ZDHHC8: variants seen among roughly 807,000 people sequenced by gnomAD.
The protein encoded by ZDHHC8 is zDHHC palmitoyltransferase 8.
ZDHHC8 carries 24 observed loss-of-function variants against 61.2 expected under a neutral mutation model. That is an observed-to-expected ratio of 0.39 (90% CI 0.28 to 0.55). ZDHHC8 has a LOEUF of 0.55. Among genes scored for constraint, ZDHHC8 ranks in the 20% least tolerant of loss-of-function variants. The pLI is 0.60. For missense variants in ZDHHC8, 935 were observed against 1,102.1 expected (o/e 0.85, Z 2.15); for synonymous variants, 523 against 492.5 (o/e 1.06, Z -0.82).
chr22:20,144,798 G>A (rs569018264), intron 10 of ZDHHC8, among the ~76,000 whole-genome samples: 1 of 151,962 alleles, frequency 6.6e-6, no homozygotes, highest in Non-Finnish European at 1.5e-5. Context: ...AGCTGCTGTT[G>A]GTCAGCGCTG....
intron 1 of ZDHHC8, among the ~76,000 whole-genome samples, chr22:20,138,862 C>T (rs1277015592): frequency 2.0e-5 from 3 of 152,120 alleles, no homozygotes; most frequent in Non-Finnish European, 4.4e-5. Flanking sequence ...GCCTGTGTAC[C>T]GCCCCCGCCC....
rs1254783567 is a variant in ZDHHC8, at chr22:20,146,864, C to G, written c.*1464C>G. The G allele has an allele frequency of 1.6e-6, 2 of 1,260,818 alleles. No individual in the cohort carries two copies. The highest frequency in any genetic ancestry group is 2.0e-6 in the Non-Finnish European group (2 of 1,004,000). 78.1% of individuals were successfully genotyped at this position (1,260,818 alleles called of 1,614,324 possible). On this transcript the variant is annotated 3_prime_UTR_variant, in exon 11 of 11. Coordinates refer to ENST00000334554, the MANE Select transcript of ZDHHC8 (RefSeq NM_013373.4). ...TGGAACTCTCCTGCCTGCCACATGC[C>G]AGGGGCAGGGCTGAGGGAGTGTGAG...
At position 20,141,427 on chromosome 22, in the gene ZDHHC8, C is replaced by T. The variant is rs193920775; in HGVS notation, c.1022C>T (p.Ala341Val). ...CAGTGGTCTGCATCCCCAGAGAGTG[C>T]CCTGTCGGTGCAGAGGACCAGCCCC... The part of the protein sequence containing the change: ...QTPRPGSAES[A>V]LSVQRTSPPT... The change falls in exon 9 of 11, where the codon GCC (alanine) becomes GTC (valine). Residue 341 changes from alanine to valine, a missense_variant. By Grantham distance (64) the Ala-to-Val change is moderately conservative. This residue lies in a region of ZDHHC8 where 692 missense variants were observed against 731.4 expected (regional missense o/e 0.95). Coordinates refer to ENST00000334554, the MANE Select transcript of ZDHHC8 (RefSeq NM_013373.4). 3.7e-6 allele frequency: 6 copies of T among 1,612,924 alleles called. No individual in the cohort carries two copies. Among genetic ancestry groups the T allele is most frequent in the African/African-American group, 2.7e-5 (2 of 74,912 alleles).
At chr22:20,141,390 ACCT>A in intron 8 of ZDHHC8, 28 bp from the exon 9 acceptor site, 1 of 1,612,128 alleles carries the variant, frequency 6.2e-7, no homozygotes, top group Non-Finnish European at 8.5e-7. Context: ...CCCTCCTCTG[ACCT>A]CAGTCTGACA....
At chr22:20,135,277 T>G (rs1404147921) in intron 1 of ZDHHC8, among the ~76,000 whole-genome samples, 2 of 152,076 alleles carry the variant, frequency 1.3e-5, no homozygotes, top group African/African-American at 2.4e-5. Context: ...TGTATCCCCC[T>G]GGGCTTCAGA....
Position 20,145,369 on chromosome 22 carries a change from T to C in ZDHHC8, c.2267T>C (p.Val756Ala). ...ACGCTGGTTAAGAAGGTGTCCGGCGTGGGTGGGACCACCTACGAGATCTCG... is the reference window on the plus strand; with the variant it reads ...ACGCTGGTTAAGAAGGTGTCCGGCGCGGGTGGGACCACCTACGAGATCTCG... ...RHTLVKKVSG[V>A]GGTTYEISV is the part of the protein sequence containing the mutation. The change falls in exon 11 of 11, where the codon GTG becomes GCG. Residue 756 changes from valine (V) to alanine (A), a missense_variant. Val to Ala is a moderately conservative substitution (Grantham distance 64). Around this residue, in one of 3 missense-constraint regions of ZDHHC8, gnomAD observed 692 missense variants for 731.4 expected, o/e 0.95. Coordinates refer to ENST00000334554, the MANE Select transcript of ZDHHC8 (RefSeq NM_013373.4). 6.4e-7 allele frequency: 1 copy of C among 1,570,216 alleles called. No homozygotes were observed.
At position 20,140,111 on chromosome 22, in the gene ZDHHC8, C is replaced by T; in HGVS notation, c.558-4C>T. 1 of 1,613,710 alleles carries T rather than the reference C, an allele frequency of 6.2e-7. No individual in the cohort carries two copies. The highest frequency in any genetic ancestry group is 1.1e-5 in the South Asian group (1 of 91,090). On this transcript the variant is annotated splice_region_variant and splice_polypyrimidine_tract_variant and intron_variant, in intron 4 of 10. Coordinates refer to ENST00000334554, the MANE Select transcript of ZDHHC8 (RefSeq NM_013373.4). ...GGCCTGCACCGTTGGCCTTAACGGG[C>T]TAGCATGGCTGTCATGTGTGTGGCC...
In ZDHHC8 at chr22:20,142,980, C is replaced by T. The variant is rs1388199059; in HGVS notation, c.1350C>T (p.Pro450=). The T allele has an allele frequency of 4.4e-6, 7 of 1,605,354 alleles. No individual in the cohort carries two copies. Among genetic ancestry groups the T allele is most frequent in the Non-Finnish European group, 6.0e-6 (7 of 1,175,092 alleles). The change falls in exon 10 of 11, where the codon CCC becomes CCT. Residue 450 remains proline (P), a synonymous_variant. Coordinates refer to ENST00000334554, the MANE Select transcript of ZDHHC8 (RefSeq NM_013373.4). ...RRGGDHVALQ[P]LRSEGGPPTP... ...GCGGGGATCATGTGGCCCTGCAGCC[C>T]CTGCGCTCTGAGGGGGGGCCCCCCA...
chr22:20,143,537 G>T lies in ZDHHC8; in HGVS notation c.1907G>T (p.Ser636Ile). The part of the protein sequence containing the change: ...TSLSSLSSSV[S>I]RAPRTSSSSL... ...CTGTCCTCGCTGTCCAGCTCCGTGA[G>T]CCGTGCACCGCGGACGTCGTCCTCC... Residue 636 changes from serine (S) to isoleucine (I), a missense_variant, in exon 10 of 11, where the codon AGC becomes ATC. By Grantham distance (142) the Ser-to-Ile change is moderately radical. Coordinates refer to ENST00000334554, the MANE Select transcript of ZDHHC8 (RefSeq NM_013373.4). 9 of 1,597,318 alleles carry T rather than the reference G, an allele frequency of 5.6e-6. No individual in the cohort carries two copies. The highest frequency in any genetic ancestry group is 7.7e-6 in the Non-Finnish European group (9 of 1,176,134).
chr22:20,132,706 C>T (rs2050387770), intron 1 of ZDHHC8, among the ~76,000 whole-genome samples: 1 of 152,244 alleles, frequency 6.6e-6, no homozygotes, highest in South Asian at 2.1e-4. Context: ...CCCTTGAGGT[C>T]CTGTTTCTGG....
chr22:20,132,497 C>G (rs1222991788), intron 1 of ZDHHC8, among the ~76,000 whole-genome samples: 1 of 152,248 alleles, frequency 6.6e-6, no homozygotes, highest in Non-Finnish European at 1.5e-5. Flanking sequence ...GGGCCAGAGT[C>G]AAGTTGTTCC....
rs576914668 is a variant in ZDHHC8 at position 20,141,212 on chromosome 22, C to T, written c.895-5C>T. On this transcript the variant is annotated splice_region_variant and splice_polypyrimidine_tract_variant and intron_variant, in intron 7 of 10. Coordinates refer to ENST00000334554, the MANE Select transcript of ZDHHC8 (RefSeq NM_013373.4). ...CCACACACCACTGACCCCGCTCCCTCCCAGTCCAAGGGCAGCCTGGACCGG... is the reference window on the plus strand; with the variant it reads ...CCACACACCACTGACCCCGCTCCCTTCCAGTCCAAGGGCAGCCTGGACCGG... 3 of 1,610,370 alleles carry T rather than the reference C, an allele frequency of 1.9e-6. No individual in the cohort carries two copies. The highest frequency in any genetic ancestry group is 2.2e-5 in the East Asian group (1 of 44,872).
rs1043083618 is a variant in ZDHHC8 at position 20,140,210 on chromosome 22, A to C, written c.653A>C (p.Asn218Thr). The change falls in exon 5 of 11, where the codon AAC (asparagine) becomes ACC (threonine). Residue 218 changes from asparagine to threonine, a missense_variant. This residue lies in a region of ZDHHC8 where 199 missense variants were observed against 334.0 expected (regional missense o/e 0.60). Transcript: ENST00000334554. ...VVLVTRGRTT[N>T]EQVTGKFRGG... ...CTGGTCACTCGGGGGCGCACCACCAACGAGCAGGTGCAGACCCCATGGGGG... is the reference window on the plus strand; with the variant it reads ...CTGGTCACTCGGGGGCGCACCACCACCGAGCAGGTGCAGACCCCATGGGGG... 1 of 1,612,008 alleles carries C rather than the reference A, an allele frequency of 6.2e-7. No individual in the cohort carries two copies. The highest frequency in any genetic ancestry group is 8.5e-7 in the Non-Finnish European group (1 of 1,179,872).
Position 20,142,996 on chromosome 22 carries a change from G to A in ZDHHC8, c.1366G>A (p.Gly456Arg), listed in dbSNP as rs2050485096. Residue 456 changes from glycine (G) to arginine (R), a missense_variant, in exon 10 of 11, where the codon GGG becomes AGG. Physicochemically the swap from Gly to Arg is moderately radical, Grantham distance 125. This residue lies in a region of ZDHHC8 where 692 missense variants were observed against 731.4 expected (regional missense o/e 0.95). Coordinates refer to ENST00000334554, the MANE Select transcript of ZDHHC8 (RefSeq NM_013373.4). ...VALQPLRSEG[G>R]PPTPHRSIFA... ...CCTGCAGCCCCTGCGCTCTGAGGGGGGGCCCCCCACGCCCCACCGTAGCAT... is the reference window on the plus strand; with the variant it reads ...CCTGCAGCCCCTGCGCTCTGAGGGGAGGCCCCCCACGCCCCACCGTAGCAT... 6.2e-7 allele frequency: 1 copy of A among 1,606,246 alleles called. No individual in the cohort carries two copies. Among genetic ancestry groups the A allele is most frequent in the South Asian group, 1.1e-5 (1 of 90,692 alleles).
intron 1 of ZDHHC8, among the ~76,000 whole-genome samples, chr22:20,136,742 CATG>C (rs1320178534): frequency 6.6e-6 from 1 of 152,206 alleles, no homozygotes; most frequent in Admixed American, 6.5e-5. Context: ...TGTATGCAGA[CATG>C]ATTGCATGTG....
chr22:20,143,221 C>G lies in ZDHHC8; in HGVS notation c.1591C>G (p.Pro531Ala). Residue 531 changes from proline (P) to alanine (A), a missense_variant, in exon 10 of 11, where the codon CCC becomes GCC. Coordinates refer to ENST00000334554, the MANE Select transcript of ZDHHC8 (RefSeq NM_013373.4). The part of the protein sequence containing the change: ...LPRSFSPVLG[P>A]RPREPSPVRY... The stretch of plus-strand genomic sequence containing the variant: ...CCGCAGCTTCAGCCCCGTGCTGGGC[C>G]CCCGCCCCCGGGAGCCCTCGCCTGT... The G allele has an allele frequency of 6.2e-7, 1 of 1,607,724 alleles. No homozygotes were observed. The highest frequency in any genetic ancestry group is 1.3e-5 in the African/African-American group (1 of 75,054).
chr22:20,144,634 T>C (rs775493115), intron 10 of ZDHHC8, among the ~76,000 whole-genome samples: 10 of 152,192 alleles, frequency 6.6e-5, no homozygotes, highest in Non-Finnish European at 1.5e-4. Context: ...GGGTGGGACC[T>C]GTTCAGCTTT....
At position 20,140,211 on chromosome 22, in the gene ZDHHC8, C is replaced by T. The variant is rs138049553; in HGVS notation, c.654C>T (p.Asn218=). Residue 218 remains asparagine (N), a synonymous_variant, in exon 5 of 11, where the codon AAC becomes AAT. Coordinates refer to ENST00000334554, the MANE Select transcript of ZDHHC8 (RefSeq NM_013373.4). ...TGGTCACTCGGGGGCGCACCACCAA[C>T]GAGCAGGTGCAGACCCCATGGGGGA... ...VVLVTRGRTT[N]EQVTGKFRGG... is the part of the protein sequence containing the mutation. 105 of 1,612,018 alleles carry T rather than the reference C, an allele frequency of 6.5e-5. No homozygotes were observed. Among genetic ancestry groups the T allele is most frequent in the South Asian group, 2.0e-4 (18 of 91,056 alleles).
Position 20,147,281 on chromosome 22 carries a change from C to A in ZDHHC8, c.*1881C>A. On this transcript the variant is annotated 3_prime_UTR_variant, in exon 11 of 11. Coordinates refer to ENST00000334554, the MANE Select transcript of ZDHHC8 (RefSeq NM_013373.4). ...GGGCCCAGGACAGCCCAGCTGGGGACCCAGGAGGTCAGACTGCAGTGGACC... is the reference window on the plus strand; with the variant it reads ...GGGCCCAGGACAGCCCAGCTGGGGAACCAGGAGGTCAGACTGCAGTGGACC... 7.2e-7 allele frequency: 1 copy of A among 1,397,038 alleles called. No homozygotes were observed. The allele number at this position is 1,397,038 out of a possible 1,614,324, so 86.5% of individuals were successfully genotyped here.
Sources: gnomAD v4.1 joint callset for allele counts (sites outside exome capture counted in the v4.1 genomes callset) on GRCh38, gnomAD v4.1.1 for gene constraint, gnomAD v4.1.1 regional missense constraint, MANE v1.5 for transcripts, NCBI Gene and HGNC (gene_info 2026-07-23, HGNC 2026-07-21) for gene names.